Variants in COL18A1 observed in about 807,000 individuals in gnomAD.
The protein encoded by COL18A1 is collagen alpha-1(XVIII) chain.
In COL18A1, 133 loss-of-function variants were observed where a neutral mutation model predicts 168.0. That is an observed-to-expected ratio of 0.79 (90% CI 0.69 to 0.91). The LOEUF is 0.91. Ranked by LOEUF, COL18A1 falls within the 40% of genes least tolerant of loss-of-function variation. The pLI is 0.00. For synonymous variants in COL18A1, 949 were observed against 809.0 expected, an observed-to-expected ratio of 1.17 and a Z score of -2.94; for missense variants, 2,126 against 1,925.4, an observed-to-expected ratio of 1.10 and a Z score of -1.95.
intron 30 of COL18A1, 150 bp from the exon 31 acceptor site, chr21:45,496,900 T>C: frequency 1.4e-6 from 1 of 705,948 alleles, no homozygotes; most frequent in Non-Finnish European, 2.6e-6. Context: ...CTGCTCTCCG[T>C]ACCCCTGTTC....
intron 2 of COL18A1, among the ~76,000 whole-genome samples, chr21:45,462,947 G>A (rs2035092498): frequency 6.6e-6 from 1 of 152,098 alleles, no homozygotes; most frequent in Non-Finnish European, 1.5e-5. Flanking sequence ...TCTCCCTTAG[G>A]TGTGAACTTC....
intron 2 of COL18A1, among the ~76,000 whole-genome samples, chr21:45,441,905 A>T (rs887714741): frequency 2.6e-5 from 4 of 152,222 alleles, no homozygotes; most frequent in South Asian, 2.1e-4. Flanking sequence ...GGCCGCCCTC[A>T]GCACAGGGTC....
intron 26 of COL18A1, 55 bp downstream of exon 26, chr21:45,493,630 G>T: frequency 7.6e-7 from 1 of 1,323,408 alleles, no homozygotes; most frequent in Non-Finnish European, 1.1e-6. Context: ...GGGCTGTGGA[G>T]ACAGCCTGGG....
intron 2 of COL18A1, among the ~76,000 whole-genome samples, chr21:45,434,701 A>G (rs1569285989): frequency 6.6e-6 from 1 of 152,164 alleles, no homozygotes; most frequent in Non-Finnish European, 1.5e-5. Flanking sequence ...AAGACTGTAT[A>G]TGCAGGTGGT....
intron 2 of COL18A1, among the ~76,000 whole-genome samples, chr21:45,419,217 G>C (rs749152097): frequency 2.8e-4 from 42 of 150,848 alleles, no homozygotes; most frequent in Middle Eastern, 3.4e-3. Context: ...GTGTGGTGAC[G>C]TGCAGTTCCG....
chr21:45,435,102 T>A (rs2034064377), intron 2 of COL18A1, among the ~76,000 whole-genome samples: 1 of 151,750 alleles, frequency 6.6e-6, no homozygotes, highest in Admixed American at 6.6e-5. Flanking sequence ...CCCATTCTTC[T>A]GTGGGTGCAG....
At chr21:45,507,675 A>T in intron 38 of COL18A1, 82 bp downstream of exon 38, 4 of 1,360,652 alleles carry the variant, frequency 2.9e-6, no homozygotes, top group Non-Finnish European at 2.1e-6. Flanking sequence ...GAGGAACAAC[A>T]CGTGGTCCTT....
chr21:45,460,826 C>G (rs2035016154), intron 2 of COL18A1, among the ~76,000 whole-genome samples: 1 of 152,200 alleles, frequency 6.6e-6, no homozygotes, highest in Non-Finnish European at 1.5e-5. Flanking sequence ...CTTAGATGCA[C>G]CAAGAGTGAC....
At chr21:45,435,861 A>G (rs1409229383) in intron 2 of COL18A1, among the ~76,000 whole-genome samples, 1 of 152,090 alleles carries the variant, frequency 6.6e-6, no homozygotes, top group East Asian at 1.9e-4. Flanking sequence ...CAATTGGGAC[A>G]CCTATGAACA....
rs1343035539 is a variant in COL18A1, at chr21:45,455,927, C to T, written c.107-12315C>T. The T allele has an allele frequency of 2.5e-6, 4 of 1,612,960 alleles. No homozygotes were observed. The African/African-American group carries it at 4.0e-5, about 16-fold the overall frequency. On this transcript the variant is annotated intron_variant, in intron 2 of 41. Transcript: ENST00000651438. Reference sequence around the variant, plus strand: ...CGTCCAGCTGTGGAATGACACTGTCCCCACTGAGAGCTTGGCCAGGGCGGA... The same window carrying T: ...CGTCCAGCTGTGGAATGACACTGTCTCCACTGAGAGCTTGGCCAGGGCGGA...
chr21:45,477,603 C>A, intron 7 of COL18A1, 116 bp downstream of exon 7: 2 of 1,295,960 alleles, frequency 1.5e-6, no homozygotes, highest in East Asian at 2.5e-5. Flanking sequence ...TCCTTTGTGC[C>A]CAGCACTCGG....
intron 2 of COL18A1, among the ~76,000 whole-genome samples, chr21:45,451,760 G>A (rs2034628094): frequency 6.6e-6 from 1 of 152,130 alleles, no homozygotes; most frequent in Admixed American, 6.5e-5. Context: ...CTTCAGACTG[G>A]GGCACTCTCC....
chr21:45,458,878 C>CG (rs1316481054), intron 2 of COL18A1, among the ~76,000 whole-genome samples: 3 of 152,312 alleles, frequency 2.0e-5, no homozygotes, highest in Non-Finnish European at 4.4e-5. Context: ...GGGAAGGTGC[C>CG]GGTCTCCTGG....
Position 45,490,288 on chromosome 21 carries a change from C to G in COL18A1, c.1973C>G (p.Ala658Gly). 6.3e-7 allele frequency: 1 copy of G among 1,586,226 alleles called. No homozygotes were observed. The highest frequency in any genetic ancestry group is 8.6e-7 in the Non-Finnish European group (1 of 1,167,152). The change falls in exon 20 of 42, where the codon GCA becomes GGA. Residue 658 changes from alanine (A) to glycine (G), a missense_variant. Ala to Gly is a moderately conservative substitution (Grantham distance 60). Transcript: ENST00000651438. ...TGACCCTTTCAGGGAGAAGTTGGAGCAGATGGAGTCCCCGGGTTCCCCGGC... is the reference window on the plus strand; with the variant it reads ...TGACCCTTTCAGGGAGAAGTTGGAGGAGATGGAGTCCCCGGGTTCCCCGGC... ...GLPGAKGEVG[A>G]DGVPGFPGLP...
At chr21:45,412,051 C>G (rs77675183) in intron 2 of COL18A1, among the ~76,000 whole-genome samples, 1 of 152,096 alleles carries the variant, frequency 6.6e-6, no homozygotes, top group South Asian at 2.1e-4. Context: ...ACTAAGGGGC[C>G]GTCGTGCTTC....
At chr21:45,504,897 C>CT (rs1188387643) in intron 34 of COL18A1, among the ~76,000 whole-genome samples, 3 of 143,070 alleles carry the variant, frequency 2.1e-5, no homozygotes, top group Non-Finnish European at 4.5e-5. Context: ...CCAGCTACTG[C>CT]CTGGGGGCCC....
In COL18A1 at chr21:45,418,580, C is replaced by T. The variant is rs1025105420; in HGVS notation, c.106+13107C>T. Among the ~76,000 whole-genome samples, 9 of 152,160 alleles carry T rather than the reference C, an allele frequency of 5.9e-5. No individual in the cohort carries two copies. In the South Asian group the frequency reaches 1.2e-3, roughly 21 times the overall value. Reference sequence around the variant, plus strand: ...TGCTGAGCCTCGGGGTGCTCACCGGCGGTTCCCACCTGCTCTGCACAGCCC... The same window carrying T: ...TGCTGAGCCTCGGGGTGCTCACCGGTGGTTCCCACCTGCTCTGCACAGCCC... On this transcript the variant is annotated intron_variant, in intron 2 of 41. Coordinates refer to ENST00000651438, the MANE Select transcript of COL18A1 (RefSeq NM_001379500.1).
rs865978479 is a variant in COL18A1 at position 45,503,999 on chromosome 21, T to C, written c.2684-12T>C. ...CCACCTCAGCGAGACCCCGCCTGTCTCTCTCTTGCAGGGCAGTTTCCGTTT... is the reference window on the plus strand; with the variant it reads ...CCACCTCAGCGAGACCCCGCCTGTCCCTCTCTTGCAGGGCAGTTTCCGTTT... On this transcript the variant is annotated splice_polypyrimidine_tract_variant and intron_variant, in intron 32 of 41. Transcript: ENST00000651438. 4.4e-6 allele frequency: 7 copies of C among 1,609,134 alleles called. No individual in the cohort carries two copies. The highest frequency in any genetic ancestry group is 2.2e-5 in the South Asian group (2 of 91,068).
intron 2 of COL18A1, among the ~76,000 whole-genome samples, chr21:45,445,734 C>T (rs988223888): frequency 1.3e-5 from 2 of 152,232 alleles, no homozygotes; most frequent in Non-Finnish European, 2.9e-5. Flanking sequence ...TCTTTCTTGG[C>T]GATCTGTATT....
Sources: gnomAD v4.1 joint callset for allele counts (sites outside exome capture counted in the v4.1 genomes callset) on GRCh38, gnomAD v4.1.1 for gene constraint, MANE v1.5 for transcripts, NCBI Gene and HGNC (gene_info 2026-07-23, HGNC 2026-07-21) for gene names.